GRID1: variants seen among roughly 807,000 people sequenced by gnomAD.
The protein encoded by GRID1 is glutamate receptor ionotropic, delta-1.
Under a neutral mutation model 98.0 loss-of-function variants are expected in GRID1, and 28 were observed. The observed-to-expected ratio is 0.29, with a 90% CI of 0.21 to 0.39. The LOEUF (loss-of-function observed/expected upper bound fraction) is 0.39, where lower values mean the gene tolerates loss of function less well. Among genes scored for constraint, GRID1 ranks in the 10% least tolerant of loss-of-function variants. The probability of loss-of-function intolerance (pLI) is 1.00; values close to 1 mark genes in which losing one functional copy is unlikely to be tolerated. For synonymous variants in GRID1, 553 were observed against 538.5 expected (o/e 1.03, Z -0.37); for missense variants, 1,111 against 1,340.5 (o/e 0.83, Z 2.67).
At chr10:86,103,000 C>T (rs1844321139) in intron 4 of GRID1, among the ~76,000 whole-genome samples, 1 of 152,070 alleles carries the variant, frequency 6.6e-6, no homozygotes, top group Non-Finnish European at 1.5e-5. Flanking sequence ...GTAAGACATG[C>T]CTTTGCTGCT....
chr10:86,331,897 A>T (rs1264587269), intron 2 of GRID1, among the ~76,000 whole-genome samples: 1 of 152,222 alleles, frequency 6.6e-6, no homozygotes, highest in East Asian at 1.9e-4. Context: ...CAGACTGGGA[A>T]CTGTATGGTG....
At chr10:86,329,851 CCA>C (rs1162817211) in intron 2 of GRID1, among the ~76,000 whole-genome samples, 1 of 152,144 alleles carries the variant, frequency 6.6e-6, no homozygotes, top group African/African-American at 2.4e-5. Flanking sequence ...GCAAACCAGG[CCA>C]CATCACAGTT....
intron 13 of GRID1, among the ~76,000 whole-genome samples, chr10:85,626,337 C>A (rs1463462802): frequency 6.6e-6 from 1 of 152,232 alleles, no homozygotes; most frequent in Non-Finnish European, 1.5e-5. Flanking sequence ...TGTGCTGTCT[C>A]CTCTGCCCTG....
chr10:86,061,346 C>T (rs1564663081), intron 4 of GRID1, among the ~76,000 whole-genome samples: 1 of 152,198 alleles, frequency 6.6e-6, no homozygotes, highest in East Asian at 1.9e-4. Flanking sequence ...TGACTCTTCC[C>T]TCTTCCCTGG....
intron 5 of GRID1, among the ~76,000 whole-genome samples, chr10:85,897,755 T>C (rs1241467116): frequency 6.6e-6 from 1 of 152,158 alleles, no homozygotes; most frequent in African/African-American, 2.4e-5. Flanking sequence ...AAATCTTTCT[T>C]AGCATTCTTC....
At chr10:86,031,655 T>C (rs1181253991) in intron 4 of GRID1, among the ~76,000 whole-genome samples, 1 of 152,110 alleles carries the variant, frequency 6.6e-6, no homozygotes, top group Admixed American at 6.6e-5. Context: ...CTACCACCTC[T>C]TGCCTGGGTT....
At chr10:86,185,845 T>C (rs61857805) in intron 3 of GRID1, among the ~76,000 whole-genome samples, 5,329 of 152,330 alleles carry the variant, frequency 0.035, 137 homozygotes, top group African/African-American at 0.066. Context: ...ATATTGTTAC[T>C]AATCTTTTGT....
At chr10:85,854,405 C>CAGT (rs1590266350) in intron 8 of GRID1, 91 bp downstream of exon 8, 1 of 1,141,404 alleles carries the variant, frequency 8.8e-7, no homozygotes, top group African/African-American at 1.5e-5. Flanking sequence ...TGCTAGTTAA[C>CAGT]AGTTGCTGGG....
intron 8 of GRID1, among the ~76,000 whole-genome samples, chr10:85,740,099 T>C (rs919180514): frequency 6.6e-6 from 1 of 152,166 alleles, no homozygotes; most frequent in African/African-American, 2.4e-5. Context: ...CGTACCTCTC[T>C]TTAATTGTTT....
chr10:85,908,189 C>A (rs939778076), intron 5 of GRID1, among the ~76,000 whole-genome samples: 1 of 151,892 alleles, frequency 6.6e-6, no homozygotes, highest in African/African-American at 2.4e-5. Flanking sequence ...TGCAATCAGG[C>A]AGAAAAAAGA....
At chr10:86,304,712 G>A (rs1414052581) in intron 2 of GRID1, among the ~76,000 whole-genome samples, 3 of 152,162 alleles carry the variant, frequency 2.0e-5, no homozygotes, top group South Asian at 2.1e-4. Flanking sequence ...TATGAGCTAC[G>A]ATCTCCATTT....
chr10:85,817,233 C>T (rs1472184353), intron 8 of GRID1, among the ~76,000 whole-genome samples: 2 of 152,044 alleles, frequency 1.3e-5, no homozygotes, highest in African/African-American at 2.4e-5. Context: ...ATGGGATTGC[C>T]GGGTCGAATG....
chr10:86,337,126 C>T (rs1032310063), intron 2 of GRID1, among the ~76,000 whole-genome samples: 1 of 152,108 alleles, frequency 6.6e-6, no homozygotes, highest in Non-Finnish European at 1.5e-5. Context: ...GCTGGGATTA[C>T]AGGCATAAGC....
intron 8 of GRID1, among the ~76,000 whole-genome samples, chr10:85,752,315 T>G (rs150049380): frequency 1.4e-3 from 216 of 152,266 alleles, no homozygotes; most frequent in African/African-American, 4.9e-3. Flanking sequence ...ACTACCTTTG[T>G]GATGTGGAAG....
intron 12 of GRID1, among the ~76,000 whole-genome samples, chr10:85,720,673 GA>G (rs138759929): frequency 6.9e-5 from 10 of 144,486 alleles, no homozygotes; most frequent in South Asian, 2.2e-4. Context: ...GAAAAGAAGA[GA>G]AAAAAAAACC....
Position 85,602,326 on chromosome 10 carries a change from G to T in GRID1, c.2977C>A (p.Pro993Thr), listed in dbSNP as rs1842590557. The part of the protein sequence containing the change: ...TPIPMSFQPV[P>T]GGVLPEALDT... ...AGAGCCTCTGGAAGGACGCCTCCAG[G>T]CACGGGCTGGAAGGACATGGGGATG... Residue 993 changes from proline to threonine, a missense_variant, in exon 16 of 16, where the codon CCT (proline) becomes ACT (threonine). Transcript: ENST00000327946. 3.2e-6 allele frequency: 5 copies of T among 1,558,192 alleles called. No individual in the cohort carries two copies. In the South Asian group the frequency reaches 4.9e-5, roughly 15 times the overall value.
intron 2 of GRID1, among the ~76,000 whole-genome samples, chr10:86,348,919 C>T (rs1848426715): frequency 6.6e-6 from 1 of 152,266 alleles, no homozygotes; most frequent in South Asian, 2.1e-4. Context: ...AAAGCTTGAG[C>T]ATGTACAACT....
chr10:86,202,233 C>A (rs1375736999), intron 3 of GRID1, among the ~76,000 whole-genome samples: 2 of 152,228 alleles, frequency 1.3e-5, no homozygotes, highest in African/African-American at 4.8e-5. Context: ...GCAACATTAG[C>A]CAAGTTACTC....
chr10:85,901,836 G>T (rs1219102508), intron 5 of GRID1, among the ~76,000 whole-genome samples: 1 of 152,152 alleles, frequency 6.6e-6, no homozygotes, highest in Non-Finnish European at 1.5e-5. Flanking sequence ...TTTTCAAAGG[G>T]CTAAAGAATG....
Sources: gnomAD v4.1 joint callset for allele counts (sites outside exome capture counted in the v4.1 genomes callset) on GRCh38, gnomAD v4.1.1 for gene constraint, MANE v1.5 for transcripts, NCBI Gene and HGNC (gene_info 2026-07-23, HGNC 2026-07-21) for gene names.